Variants in PPME1 observed in about 807,000 individuals in gnomAD.
PPME1 encodes the protein protein phosphatase methylesterase 1.
In PPME1, 17 loss-of-function variants were observed where a neutral mutation model predicts 56.9. That is an observed-to-expected ratio of 0.30 (90% CI 0.20 to 0.45). The LOEUF (loss-of-function observed/expected upper bound fraction) is 0.45. Ranked by LOEUF, PPME1 falls within the 20% of genes least tolerant of loss-of-function variation. The probability of loss-of-function intolerance (pLI) is 1.00; values close to 1 mark genes in which losing one functional copy is unlikely to be tolerated. For synonymous variants in PPME1, 122 were observed against 156.2 expected, an observed-to-expected ratio of 0.78 and a Z score of 1.63; for missense variants, 357 against 483.2, an observed-to-expected ratio of 0.74 and a Z score of 2.45.
At chr11:74,181,683 T>C (rs1460741126) in intron 1 of PPME1, among the ~76,000 whole-genome samples, 1 of 152,248 alleles carries the variant, frequency 6.6e-6, no homozygotes, top group Admixed American at 6.5e-5. Context: ...AATAAAGTTC[T>C]GAGGCTTTTT....
At position 74,230,322 on chromosome 11, in the gene PPME1, G is replaced by T. The variant is rs1160706559; in HGVS notation, c.476G>T (p.Gly159Val). 1 of 1,613,578 alleles carries T rather than the reference G, an allele frequency of 6.2e-7. No homozygotes were observed. Among genetic ancestry groups the T allele is most frequent in the African/African-American group, 1.3e-5 (1 of 74,912 alleles). ...ATGCTGATTGGACATAGCATGGGTG[G>T]TGCTATTGCAGTCCACACAGCATCA... ...PIMLIGHSMG[G>V]AIAVHTASSN... Residue 159 changes from glycine to valine, a missense_variant, in exon 6 of 14, where the codon GGT becomes GTT. This residue lies in a region of PPME1 where 182 missense variants were observed against 293.8 expected (regional missense o/e 0.62). Coordinates refer to ENST00000328257, the MANE Select transcript of PPME1 (RefSeq NM_016147.3). This position sits in a 1 kb window ranked among gnomAD's most constrained non-coding sequence, Gnocchi z 4.9.
At position 74,253,811 on chromosome 11, in the gene PPME1, G is replaced by T; in HGVS notation, c.*301G>T. 1 of 523,428 alleles carries T rather than the reference G, an allele frequency of 1.9e-6. No individual in the cohort carries two copies. Among genetic ancestry groups the T allele is most frequent in the Non-Finnish European group, 3.4e-6 (1 of 294,688 alleles). 32.4% of individuals were successfully genotyped at this position (523,428 alleles called of 1,614,324 possible). A position where few individuals can be genotyped will look rare whatever the true frequency, so the allele number is the denominator to read the frequency against. ...TGCCTAGGGTAAAGCCTCCAGATTT[G>T]CCATACTGAGCCCCTCTTCCTAGCA... On this transcript the variant is annotated 3_prime_UTR_variant, in exon 14 of 14. Transcript: ENST00000328257.
chr11:74,251,088 T>A lies in PPME1; in HGVS notation c.1074+70T>A. 5 of 1,543,018 alleles carry A rather than the reference T, an allele frequency of 3.2e-6. No homozygotes were observed. In the East Asian group the frequency reaches 1.2e-4, roughly 38 times the overall value. On this transcript the variant is annotated intron_variant, in intron 12 of 13. Coordinates refer to ENST00000328257, the MANE Select transcript of PPME1 (RefSeq NM_016147.3). The stretch of plus-strand genomic sequence containing the variant: ...AACCCTGGATGTCACAGAAGACAAG[T>A]CTCTGAGTCTCAGCCTGCATTGCCT...
chr11:74,192,275 C>G (rs1394527721), intron 1 of PPME1, among the ~76,000 whole-genome samples: 3 of 152,138 alleles, frequency 2.0e-5, no homozygotes, highest in African/African-American at 7.2e-5. Flanking sequence ...TTCTTTTAGC[C>G]AGTTTCTCCA....
intron 7 of PPME1, among the ~76,000 whole-genome samples, chr11:74,231,406 T>C (rs777912600): frequency 6.6e-6 from 1 of 152,258 alleles, no homozygotes; most frequent in Non-Finnish European, 1.5e-5. Flanking sequence ...CCAGCCACTG[T>C]TGCCTTTATT....
chr11:74,181,337 C>T (rs914891866), intron 1 of PPME1, among the ~76,000 whole-genome samples: 6 of 152,134 alleles, frequency 3.9e-5, no homozygotes, highest in Admixed American at 6.5e-5. Flanking sequence ...CGTGAGCCAC[C>T]GCGCCCGGCC....
chr11:74,210,698 T>C (rs1402227499), intron 3 of PPME1, among the ~76,000 whole-genome samples: 2 of 152,168 alleles, frequency 1.3e-5, no homozygotes, highest in East Asian at 3.8e-4. Flanking sequence ...CCTTCCACCA[T>C]GAGTGGAAGC....
chr11:74,234,159 A>G, intron 7 of PPME1, among the ~76,000 whole-genome samples: 1 of 152,184 alleles, frequency 6.6e-6, no homozygotes, highest in East Asian at 1.9e-4. Context: ...AATTGGGTGA[A>G]TGGTAGAAAC....
At chr11:74,176,689 T>C (rs1042878923) in intron 1 of PPME1, among the ~76,000 whole-genome samples, 1 of 151,610 alleles carries the variant, frequency 6.6e-6, no homozygotes, top group Non-Finnish European at 1.5e-5. Flanking sequence ...AAAGGAATCA[T>C]TTATATTTTT....
At chr11:74,204,665 A>C (rs1858279621) in intron 3 of PPME1, among the ~76,000 whole-genome samples, 1 of 152,194 alleles carries the variant, frequency 6.6e-6, no homozygotes, top group Non-Finnish European at 1.5e-5. Context: ...GTTCTTTGAG[A>C]AAGTTAATTG....
intron 3 of PPME1, among the ~76,000 whole-genome samples, chr11:74,214,119 T>C (rs1858554698): frequency 6.6e-6 from 1 of 151,094 alleles, no homozygotes; most frequent in Non-Finnish European, 1.5e-5. Flanking sequence ...AAAATTTATC[T>C]ATAGATAAAT....
At chr11:74,251,375 T>A (rs1859655727) in intron 12 of PPME1, 1 of 1,359,730 alleles carries the variant, frequency 7.4e-7, no homozygotes, top group Non-Finnish European at 9.4e-7. Context: ...GGGCTCCTCC[T>A]GTGAGAAAAC....
intron 3 of PPME1, among the ~76,000 whole-genome samples, chr11:74,220,931 T>C (rs80165726): frequency 0.023 from 3,474 of 152,272 alleles, 127 homozygotes; most frequent in African/African-American, 0.078. Flanking sequence ...TTTGCTCATT[T>C]ATTTTTTTCT....
intron 11 of PPME1, chr11:74,250,690 C>T (rs973178480): frequency 7.0e-6 from 3 of 425,746 alleles, no homozygotes; most frequent in South Asian, 4.6e-5. Context: ...CCCCTGAGGA[C>T]AAGAACTGTT....
chr11:74,243,935 T>C (rs1859442418), intron 9 of PPME1, among the ~76,000 whole-genome samples: 1 of 152,184 alleles, frequency 6.6e-6, no homozygotes, highest in Non-Finnish European at 1.5e-5. Flanking sequence ...AACTCCCCTT[T>C]TCTAAAACTC....
chr11:74,217,412 C>T (rs182580885), intron 3 of PPME1, among the ~76,000 whole-genome samples: 18 of 151,766 alleles, frequency 1.2e-4, no homozygotes, highest in Admixed American at 3.9e-4. Context: ...CATGGTGGCG[C>T]GCACTTCTTA....
intron 4 of PPME1, 63 bp downstream of exon 4, chr11:74,222,432 G>A: frequency 3.7e-6 from 5 of 1,354,600 alleles, no homozygotes; most frequent in Non-Finnish European, 5.3e-6. Context: ...TTGAATAGTT[G>A]TAACTATTAG....
intron 5 of PPME1, among the ~76,000 whole-genome samples, chr11:74,229,180 A>G (rs1288063504): frequency 6.6e-6 from 1 of 152,182 alleles, no homozygotes; most frequent in Non-Finnish European, 1.5e-5. Context: ...TGTAGAGACT[A>G]TATATGAAAG....
At chr11:74,203,344 T>A (rs115634674) in intron 1 of PPME1, among the ~76,000 whole-genome samples, 1,758 of 152,222 alleles carry the variant, frequency 0.012, 32 homozygotes, top group African/African-American at 0.04. Context: ...AGGAATGATA[T>A]TAAAGTCAGT....
Sources: gnomAD v4.1 joint callset for allele counts (sites outside exome capture counted in the v4.1 genomes callset) on GRCh38, gnomAD v4.1.1 for gene constraint, gnomAD v4.1.1 regional missense constraint, Gnocchi (gnomAD v3.1) non-coding constraint, MANE v1.5 for transcripts, NCBI Gene and HGNC (gene_info 2026-07-23, HGNC 2026-07-21) for gene names.